The following NTRK2 variants were observed in gnomAD, a reference collection of about 807,000 sequenced individuals.
The protein encoded by NTRK2 is neurotrophic receptor tyrosine kinase 2.
NTRK2 carries 13 observed loss-of-function variants against 94.5 expected under a neutral mutation model. The ratio of observed to expected loss-of-function variants is 0.14; its 90% CI spans 0.09 to 0.22. The LOEUF (loss-of-function observed/expected upper bound fraction) is 0.22. NTRK2 is among the 10% of genes least tolerant of loss of function. The pLI is 1.00. For synonymous variants in NTRK2, 372 were observed against 407.4 expected (o/e 0.91, Z 1.05); for missense variants, 639 against 1,071.2 (o/e 0.60, Z 5.63).
chr9:85,004,963 G>C (rs567895567), intron 17 of NTRK2, among the ~76,000 whole-genome samples: 59 of 152,292 alleles, frequency 3.9e-4, no homozygotes, highest in South Asian at 6.2e-4. Flanking sequence ...CTATGACTAA[G>C]CATCCTAGAG....
chr9:84,943,277 C>T (rs559714860), intron 15 of NTRK2, among the ~76,000 whole-genome samples: 2 of 152,262 alleles, frequency 1.3e-5, no homozygotes, highest in African/African-American at 4.8e-5. Flanking sequence ...TCAAATAAGC[C>T]CTCTTGCCTC....
At chr9:84,989,038 C>G (rs1828714235) in intron 17 of NTRK2, among the ~76,000 whole-genome samples, 1 of 152,202 alleles carries the variant, frequency 6.6e-6, no homozygotes, top group Non-Finnish European at 1.5e-5. Context: ...CTTCCAAATG[C>G]AAATATCCCG....
At chr9:84,808,666 T>G (rs1182494904) in intron 12 of NTRK2, among the ~76,000 whole-genome samples, 1 of 152,230 alleles carries the variant, frequency 6.6e-6, no homozygotes, top group African/African-American at 2.4e-5. Context: ...GAGACAGATA[T>G]GAAGGAGAAT....
chr9:84,985,766 C>T (rs751623879), intron 17 of NTRK2, among the ~76,000 whole-genome samples: 1 of 152,172 alleles, frequency 6.6e-6, no homozygotes, highest in Non-Finnish European at 1.5e-5. Context: ...ATTAATACAG[C>T]CAACATTGAT....
chr9:84,948,365 T>C, intron 15 of NTRK2, 97 bp from the exon 16 acceptor site: 1 of 1,282,252 alleles, frequency 7.8e-7, no homozygotes, highest in Non-Finnish European at 1.1e-6. Context: ...TAGGCTGTTT[T>C]CTCATCTTTT....
intron 17 of NTRK2, among the ~76,000 whole-genome samples, chr9:84,969,424 C>G (rs1261542626): frequency 6.6e-6 from 1 of 152,204 alleles, no homozygotes; most frequent in Non-Finnish European, 1.5e-5. Context: ...AGGGCTCTGA[C>G]CTTTAGCAGT....
In NTRK2 at chr9:84,926,645, C is replaced by T. The variant is rs2077831378; in HGVS notation, c.1634-7517C>T. On this transcript the variant is annotated intron_variant, in intron 14 of 18. Coordinates refer to ENST00000277120, the MANE Select transcript of NTRK2 (RefSeq NM_006180.6). ...ACTTTTCTTTCACCTCATCCTGGTT[C>T]TTTCTCTTCTCCCCTCTTAAGTGTT... Among the ~76,000 whole-genome samples, 5 of 152,296 alleles carry T rather than the reference C, an allele frequency of 3.3e-5. No homozygotes were observed. The South Asian group carries it at 1.0e-3, about 32-fold the overall frequency.
intron 14 of NTRK2, among the ~76,000 whole-genome samples, chr9:84,871,367 A>T (rs1287228305): frequency 6.6e-6 from 1 of 152,164 alleles, no homozygotes; most frequent in Non-Finnish European, 1.5e-5. Context: ...GATTTAAGAC[A>T]CCGGGTGAGA....
intron 12 of NTRK2, among the ~76,000 whole-genome samples, chr9:84,759,355 T>C (rs984366063): frequency 2.0e-5 from 3 of 152,256 alleles, no homozygotes; most frequent in Non-Finnish European, 4.4e-5. Context: ...CTTCTAAGAA[T>C]TGGCTAGAGT....
chr9:84,671,239 A>G (rs1224376393), intron 2 of NTRK2, among the ~76,000 whole-genome samples: 2 of 152,196 alleles, frequency 1.3e-5, no homozygotes. Flanking sequence ...TGCTTTTTAT[A>G]TTTCAAAGCT....
intron 17 of NTRK2, among the ~76,000 whole-genome samples, chr9:85,002,098 G>T (rs1305873669): frequency 1.3e-5 from 2 of 152,148 alleles, no homozygotes; most frequent in Non-Finnish European, 2.9e-5. Flanking sequence ...ACCTTACCTT[G>T]GTTACTGGTA....
chr9:84,826,848 G>A (rs1486323135), intron 12 of NTRK2, among the ~76,000 whole-genome samples: 1 of 152,198 alleles, frequency 6.6e-6, no homozygotes, highest in African/African-American at 2.4e-5. Flanking sequence ...AGGTGAAAGA[G>A]ACATATCATA....
intron 15 of NTRK2, among the ~76,000 whole-genome samples, chr9:84,944,763 A>T (rs1248847675): frequency 6.6e-6 from 1 of 152,222 alleles, no homozygotes; most frequent in African/African-American, 2.4e-5. Flanking sequence ...GGCCTTATTC[A>T]TGCATACTTT....
intron 17 of NTRK2, among the ~76,000 whole-genome samples, chr9:84,985,661 C>T (rs542222246): frequency 6.6e-6 from 1 of 152,272 alleles, no homozygotes; most frequent in African/African-American, 2.4e-5. Context: ...ATTGGTTAGG[C>T]ATAATTTGAG....
At chr9:84,972,416 T>C (rs1173324331) in intron 17 of NTRK2, among the ~76,000 whole-genome samples, 1 of 152,196 alleles carries the variant, frequency 6.6e-6, no homozygotes, top group Non-Finnish European at 1.5e-5. Flanking sequence ...AAAAATTGTG[T>C]TCTATGGAAC....
At chr9:84,847,296 C>A (rs1357507735) in intron 12 of NTRK2, among the ~76,000 whole-genome samples, 3 of 152,152 alleles carry the variant, frequency 2.0e-5, no homozygotes, top group Non-Finnish European at 4.4e-5. Context: ...GCAGAAGTAA[C>A]TTTTTGAAAA....
At chr9:84,811,908 CA>C in intron 12 of NTRK2, 1 of 1,050,056 alleles carries the variant, frequency 9.5e-7, no homozygotes, top group Non-Finnish European at 1.2e-6. Flanking sequence ...TGGCTATCCC[CA>C]CCCCACCCCA....
chr9:85,025,865 T>C lies in NTRK2; in HGVS notation c.*4428T>C, dbSNP rs1833006536. On this transcript the variant is annotated 3_prime_UTR_variant, in exon 19 of 19. Coordinates refer to ENST00000277120, the MANE Select transcript of NTRK2 (RefSeq NM_006180.6). ...TAATTGGAATGTGGAGCCTCTGAGG[T>C]TGTGATAGCTTGTACATGAATTTCA... 1 of 232,564 alleles carries C rather than the reference T, an allele frequency of 4.3e-6. No homozygotes were observed. The highest frequency in any genetic ancestry group is 1.8e-4 in the South Asian group (1 of 5,510). The allele number at this position is 232,564 out of a possible 1,614,324, so 14.4% of individuals were successfully genotyped here. A position where few individuals can be genotyped will look rare whatever the true frequency, so the allele number is the denominator to read the frequency against.
At chr9:84,975,639 A>T (rs1826748448) in intron 17 of NTRK2, among the ~76,000 whole-genome samples, 1 of 152,220 alleles carries the variant, frequency 6.6e-6, no homozygotes, top group Non-Finnish European at 1.5e-5. Flanking sequence ...CTTAGGTCTC[A>T]GTCTGTTTAT....
Sources: gnomAD v4.1 joint callset for allele counts (sites outside exome capture counted in the v4.1 genomes callset) on GRCh38, gnomAD v4.1.1 for gene constraint, MANE v1.5 for transcripts, NCBI Gene and HGNC (gene_info 2026-07-23, HGNC 2026-07-21) for gene names.